Variants in BCAS1 observed in about 807,000 individuals in gnomAD.
BCAS1 encodes breast carcinoma-amplified sequence 1.
A neutral mutation model predicts 65.4 loss-of-function variants in BCAS1; 46 were observed. That is an observed-to-expected ratio of 0.70 (90% CI 0.55 to 0.90). The LOEUF (loss-of-function observed/expected upper bound fraction) is 0.90. BCAS1 is among the 40% of genes least tolerant of loss of function. BCAS1 has a pLI of 0.00. For missense variants in BCAS1, 793 were observed against 771.2 expected, an observed-to-expected ratio of 1.03 and a Z score of -0.33; for synonymous variants, 298 against 293.5, an observed-to-expected ratio of 1.02 and a Z score of -0.16.
chr20:54,035,072 G>A (rs535651460), intron 3 of BCAS1, among the ~76,000 whole-genome samples: 5 of 151,376 alleles, frequency 3.3e-5, no homozygotes, highest in East Asian at 3.9e-4. Context: ...TGGGATAACC[G>A]GCTAGCTGTA....
intron 3 of BCAS1, among the ~76,000 whole-genome samples, chr20:54,036,631 C>T (rs1264277190): frequency 6.6e-6 from 1 of 151,302 alleles, no homozygotes; most frequent in Non-Finnish European, 1.5e-5. Context: ...ACAGTGCCTC[C>T]TTCAGAGGGT....
chr20:54,003,566 AT>A (rs1294253958), intron 4 of BCAS1, among the ~76,000 whole-genome samples: 1 of 152,230 alleles, frequency 6.6e-6, no homozygotes, highest in Non-Finnish European at 1.5e-5. Context: ...CCAGGTTGGA[AT>A]AGTTTGCATT....
intron 12 of BCAS1, among the ~76,000 whole-genome samples, chr20:53,950,478 C>A (rs552598663): frequency 1.3e-5 from 2 of 152,090 alleles, no homozygotes; most frequent in Middle Eastern, 6.8e-3. Context: ...ACACACCCCC[C>A]CATCCATACT....
intron 4 of BCAS1, among the ~76,000 whole-genome samples, chr20:54,005,854 G>C (rs540576367): frequency 1.3e-5 from 2 of 152,312 alleles, no homozygotes; most frequent in South Asian, 2.1e-4. Flanking sequence ...AGGCATGTGA[G>C]AAATGCAGAA....
rs776732651 is a variant in BCAS1, at chr20:54,028,646, C to T, written c.469G>A (p.Ala157Thr). The change falls in exon 4 of 13, where the codon GCC becomes ACC. Residue 157 changes from alanine to threonine, a missense_variant. Transcript: ENST00000688948. ...GQDTDKTPGH[A>T]PAQDKVLSAA... ...GAGAGGACCTTGTCTTGGGCCGGGG[C>T]GTGCCCTGGGGTTTTATCTGTGTCC... 6 of 1,614,050 alleles carry T rather than the reference C, an allele frequency of 3.7e-6. No homozygotes were observed. The highest frequency in any genetic ancestry group is 4.2e-6 in the Non-Finnish European group (5 of 1,180,034).
intron 10 of BCAS1, among the ~76,000 whole-genome samples, chr20:53,960,493 AAAAG>A (rs1262203764): frequency 6.1e-5 from 7 of 115,006 alleles, no homozygotes; most frequent in African/African-American, 3.2e-4. Flanking sequence ...AAAAAAAAAA[AAAAG>A]AGAGAGAGAG....
At position 53,949,262 on chromosome 20, in the gene BCAS1, C is replaced by T. The variant is rs140262879; in HGVS notation, c.1815+4170G>A. On this transcript the variant is annotated intron_variant, in intron 12 of 12. Transcript: ENST00000688948. ...CATTTTCTTTTGTAAACAAAAAAGT[C>T]CCTTTGCTCAAAAAGAAAGGAAAAT... Among the ~76,000 whole-genome samples, 25 of 152,266 alleles carry T rather than the reference C, an allele frequency of 1.6e-4. No individual in the cohort carries two copies. In the East Asian group the frequency reaches 4.8e-3, roughly 29 times the overall value.
At chr20:53,994,888 TACACAC>T (rs11471603) in intron 6 of BCAS1, 118 bp downstream of exon 6, 506 of 556,796 alleles carry the variant, frequency 9.1e-4, no homozygotes, top group South Asian at 4.1e-3. Context: ...ATAGATATGA[TACACAC>T]ACACACACAC....
intron 4 of BCAS1, among the ~76,000 whole-genome samples, chr20:54,022,081 C>T (rs1351931106): frequency 6.6e-6 from 1 of 152,092 alleles, no homozygotes; most frequent in Non-Finnish European, 1.5e-5. Flanking sequence ...GGTACTCCTG[C>T]ATACTTGGAA....
At chr20:53,949,941 A>G (rs963035138) in intron 12 of BCAS1, among the ~76,000 whole-genome samples, 1 of 152,198 alleles carries the variant, frequency 6.6e-6, no homozygotes, top group Non-Finnish European at 1.5e-5. Context: ...TCACTTCTTC[A>G]GGAATCACCA....
At chr20:54,001,472 C>T (rs568176258) in intron 4 of BCAS1, among the ~76,000 whole-genome samples, 2 of 152,294 alleles carry the variant, frequency 1.3e-5, no homozygotes, top group South Asian at 4.1e-4. Context: ...GATTCTTCAC[C>T]TCCCCAGTTG....
At chr20:54,053,810 G>A (rs537100515) in intron 3 of BCAS1, among the ~76,000 whole-genome samples, 2 of 152,332 alleles carry the variant, frequency 1.3e-5, no homozygotes, top group African/African-American at 4.8e-5. Flanking sequence ...ATTCAATGTA[G>A]CATTCCAGCC....
intron 4 of BCAS1, among the ~76,000 whole-genome samples, chr20:54,017,192 C>T (rs941360963): frequency 6.6e-6 from 1 of 152,132 alleles, no homozygotes; most frequent in Admixed American, 6.5e-5. Flanking sequence ...CTCTTTTCTC[C>T]CTCAGCAACT....
Position 54,048,620 on chromosome 20 carries a change from T to C in BCAS1, c.142+9465A>G, listed in dbSNP as rs550532686. Among the ~76,000 whole-genome samples the C allele has an allele frequency of 1.6e-4, 25 of 152,344 alleles. No individual in the cohort carries two copies. In the South Asian group the frequency reaches 2.1e-3, roughly 13 times the overall value. ...CATCTTGTGAGCAGGAGTGACACAA[T>C]TGGCTCATGTACTTGGTGTTTTGAT... On this transcript the variant is annotated intron_variant, in intron 3 of 12. Transcript: ENST00000688948.
chr20:53,957,235 A>G (rs559368909), intron 11 of BCAS1, among the ~76,000 whole-genome samples, 197 bp downstream of exon 11: 2 of 152,340 alleles, frequency 1.3e-5, no homozygotes, highest in African/African-American at 4.8e-5. Context: ...GTTTTTTGAT[A>G]GGATAAAGCT....
chr20:54,036,366 A>G (rs563905891), intron 3 of BCAS1, among the ~76,000 whole-genome samples: 143 of 151,610 alleles, frequency 9.4e-4, no homozygotes, highest in African/African-American at 3.3e-3. Context: ...TTTAGAAGGT[A>G]GAGTTGAAAA....
rs772299930 is a variant in BCAS1, at chr20:53,985,340, T to G, written c.1222A>C (p.Lys408Gln). 13 of 1,613,928 alleles carry G rather than the reference T, an allele frequency of 8.1e-6. No homozygotes were observed. The African/African-American group carries it at 1.3e-4, about 17-fold the overall frequency. Residue 408 changes from lysine (K) to glutamine (Q), a missense_variant, in exon 8 of 13, where the codon AAG becomes CAG. Physicochemically the swap from Lys to Gln is moderately conservative, Grantham distance 53. Coordinates refer to ENST00000688948, the MANE Select transcript of BCAS1 (RefSeq NM_001366298.2). ...TTPEPAKEGT[K>Q]EKSGPTSLPL... Reference sequence around the variant, plus strand: ...AGAGAGGTGGGTCCTGATTTCTCCTTGGTGCCTTCCTTCGCAGGTTCAGGG... The same window carrying G: ...AGAGAGGTGGGTCCTGATTTCTCCTGGGTGCCTTCCTTCGCAGGTTCAGGG...
At chr20:54,067,729 T>C (rs548632055) in intron 1 of BCAS1, among the ~76,000 whole-genome samples, 10 of 152,284 alleles carry the variant, frequency 6.6e-5, no homozygotes, top group South Asian at 2.1e-4. Flanking sequence ...TGAAACTTCA[T>C]CACCAGCAGG....
chr20:53,953,691 G>A lies in BCAS1; in HGVS notation c.1556C>T (p.Ser519Leu), dbSNP rs1371437020. The change falls in exon 12 of 13, where the codon TCA becomes TTA. Residue 519 changes from serine (S) to leucine (L), a missense_variant. Transcript: ENST00000688948. ...TGTGATAGTCTTTTCTGTGGAGTCT[G>A]ATGTCTACAGCAATTTCAAACAAAG... ...INGKDSSCQTSDSTEKTITPP... is the reference protein window; with the variant it reads ...INGKDSSCQTLDSTEKTITPP... The A allele has an allele frequency of 2.5e-6, 4 of 1,612,022 alleles. No individual in the cohort carries two copies. In the Admixed American group the frequency reaches 6.7e-5, roughly 27 times the overall value.
Sources: gnomAD v4.1 joint callset for allele counts (sites outside exome capture counted in the v4.1 genomes callset) on GRCh38, gnomAD v4.1.1 for gene constraint, MANE v1.5 for transcripts, NCBI Gene and HGNC (gene_info 2026-07-23, HGNC 2026-07-21) for gene names.